Variants in SMIM35 observed in about 807,000 individuals in gnomAD.
SMIM35 encodes the protein TMPRSS4 antisense RNA 1 (non-protein coding).
intron 4 of SMIM35, among the ~76,000 whole-genome samples, chr11:118,010,060 C>A (rs943179503): frequency 6.6e-6 from 1 of 152,166 alleles, no homozygotes; most frequent in Non-Finnish European, 1.5e-5. Context: ...AAAACGGGAC[C>A]AAGAATAATC....
At chr11:118,082,688 A>G (rs639978) in intron 1 of SMIM35, among the ~76,000 whole-genome samples, 2,289 of 152,330 alleles carry the variant, frequency 0.015, 28 homozygotes, top group Middle Eastern at 0.024. Flanking sequence ...AGACTAAACT[A>G]AAGTTTCATA....
intron 1 of SMIM35, among the ~76,000 whole-genome samples, chr11:118,043,936 T>A (rs1318698941): frequency 1.3e-5 from 2 of 151,676 alleles, no homozygotes; most frequent in East Asian, 1.9e-4. Context: ...TAAAATTGAC[T>A]GTAATGGTGG....
chr11:118,060,456 T>C (rs1178952527), intron 1 of SMIM35, among the ~76,000 whole-genome samples: 1 of 152,248 alleles, frequency 6.6e-6, no homozygotes, highest in Non-Finnish European at 1.5e-5. Context: ...GTCAGGGTTT[T>C]GCTGCAGTCT....
At chr11:118,031,965 C>G (rs754773082) in intron 1 of SMIM35, 1 of 151,736 alleles carries the variant, frequency 6.6e-6, no homozygotes, top group Non-Finnish European at 1.5e-5. Flanking sequence ...GGCGACACCC[C>G]GTCTCTAACA....
chr11:118,007,844 T>C (rs11216668), intron 4 of SMIM35, among the ~76,000 whole-genome samples: 24,471 of 151,796 alleles, frequency 0.16, 3,306 homozygotes, highest in East Asian at 0.37. Context: ...AACCTGTTTT[T>C]TCTTGATTTG....
At chr11:118,015,655 G>T (rs567695855) in intron 2 of SMIM35, 38 bp downstream of exon 2, 2 of 399,244 alleles carry the variant, frequency 5.0e-6, no homozygotes, top group African/African-American at 4.1e-5. Flanking sequence ...AGGAGGAGCT[G>T]CGCAGAACCG....
chr11:118,043,471 A>G (rs893579350), intron 1 of SMIM35, among the ~76,000 whole-genome samples: 13 of 152,160 alleles, frequency 8.5e-5, no homozygotes, highest in African/African-American at 3.1e-4. Context: ...ATATGATTCT[A>G]TTTATACAAA....
intron 2 of SMIM35, 64 bp from the exon 3 acceptor site, chr11:118,014,805 A>G (rs1246900769): frequency 5.0e-6 from 2 of 398,590 alleles, no homozygotes; most frequent in Non-Finnish European, 8.9e-6. Context: ...CCACCCTTCT[A>G]AGAACGTCTG....
intron 1 of SMIM35, among the ~76,000 whole-genome samples, chr11:118,024,127 C>A (rs1282936969): frequency 6.7e-6 from 1 of 149,228 alleles, no homozygotes; most frequent in Non-Finnish European, 1.5e-5. Context: ...CGAGGGAAAA[C>A]AGAAAAAAAA....
At chr11:118,063,985 T>C (rs1002797138) in intron 1 of SMIM35, among the ~76,000 whole-genome samples, 5 of 152,118 alleles carry the variant, frequency 3.3e-5, no homozygotes, top group Admixed American at 6.5e-5. Flanking sequence ...TGAAGAACAA[T>C]TGGCTAGAAG....
intron 4 of SMIM35, among the ~76,000 whole-genome samples, chr11:118,010,121 A>G (rs2058142575): frequency 6.6e-6 from 1 of 152,240 alleles, no homozygotes; most frequent in Non-Finnish European, 1.5e-5. Flanking sequence ...CATGCAAGAA[A>G]AGGCTTTGTG....
chr11:118,029,658 C>A (rs1321135581), intron 1 of SMIM35: 2 of 457,346 alleles, frequency 4.4e-6, no homozygotes, highest in East Asian at 1.4e-4. Context: ...TTTCTTCTAG[C>A]ATCAGTTGGG....
intron 1 of SMIM35, among the ~76,000 whole-genome samples, chr11:118,049,327 G>C (rs1465855861): frequency 7.2e-6 from 1 of 139,346 alleles, no homozygotes; most frequent in African/African-American, 2.7e-5. Context: ...TCGCATGTTT[G>C]TTCCACCCTT....
chr11:118,072,116 A>C (rs977253651), intron 1 of SMIM35, among the ~76,000 whole-genome samples: 8 of 152,284 alleles, frequency 5.3e-5, no homozygotes, highest in African/African-American at 1.2e-4. Context: ...GGCTGGCTGG[A>C]TGGATGGGTG....
chr11:118,055,190 C>T (rs542317649), intron 1 of SMIM35, among the ~76,000 whole-genome samples: 3 of 152,242 alleles, frequency 2.0e-5, no homozygotes, highest in Admixed American at 1.3e-4. Context: ...AAGGGAAGGC[C>T]GTCCCTGCCT....
chr11:118,038,831 AAAC>A (rs1254151546), intron 1 of SMIM35, among the ~76,000 whole-genome samples: 1 of 152,232 alleles, frequency 6.6e-6, no homozygotes, highest in Non-Finnish European at 1.5e-5. Flanking sequence ...TAGGCAAAGC[AAAC>A]AACATGTGCA....
chr11:118,086,044 A>T (rs1945530543), intron 1 of SMIM35, among the ~76,000 whole-genome samples: 2 of 152,252 alleles, frequency 1.3e-5, no homozygotes. Flanking sequence ...AGTGGGAACC[A>T]GGTCTGTCTT....
chr11:118,049,951 C>T (rs1944182603), intron 1 of SMIM35, among the ~76,000 whole-genome samples: 1 of 152,060 alleles, frequency 6.6e-6, no homozygotes, highest in South Asian at 2.1e-4. Flanking sequence ...GTTCAAACCA[C>T]CTCATGCTGA....
chr11:118,025,710 A>G, intron 1 of SMIM35: 1 of 453,834 alleles, frequency 2.2e-6, no homozygotes, highest in Middle Eastern at 3.3e-4. Context: ...TTGGATGCAT[A>G]GTTTGTGAAT....
Sources: allele counts gnomAD v4.1 joint callset (sites outside exome capture counted in the v4.1 genomes callset), GRCh38; gene constraint gnomAD v4.1.1; transcripts MANE v1.5; gene names NCBI Gene and HGNC (gene_info 2026-07-23, HGNC 2026-07-21).